The following CPM variants were observed in gnomAD, a reference collection of about 807,000 sequenced individuals.
CPM encodes renal carboxypeptidase.
Under a neutral mutation model 46.4 loss-of-function variants are expected in CPM, and 35 were observed. That is an observed-to-expected ratio of 0.75 (90% confidence interval 0.58 to 1.00). CPM has a LOEUF of 1.00. Among genes scored for constraint, CPM ranks in the 50% least tolerant of loss-of-function variants. CPM has a pLI of 0.00. For synonymous variants in CPM, 195 were observed against 195.3 expected (o/e 1.00, Z 0.01); for missense variants, 422 against 530.4 (o/e 0.80, Z 2.01).
rs1211104954 is a variant in CPM at position 68,893,108 on chromosome 12, C to T, written c.161-7219G>A. Among the ~76,000 whole-genome samples, 3 of 144,892 alleles carry T rather than the reference C, an allele frequency of 2.1e-5. No individual in the cohort carries two copies. In the East Asian group the frequency reaches 6.1e-4, roughly 29 times the overall value. ...ATGTAACGAACCTGCATGCTCTGCACACGTATCCCAGAACTTAAATTAAAA... is the reference window on the plus strand; with the variant it reads ...ATGTAACGAACCTGCATGCTCTGCATACGTATCCCAGAACTTAAATTAAAA... On this transcript the variant is annotated intron_variant, in intron 2 of 8. Coordinates refer to ENST00000551568, the MANE Select transcript of CPM (RefSeq NM_198320.5).
intron 2 of CPM, among the ~76,000 whole-genome samples, chr12:68,907,360 G>A (rs2136286598): frequency 6.6e-6 from 1 of 152,098 alleles, no homozygotes; most frequent in Admixed American, 6.5e-5. Context: ...TGCCACCACT[G>A]CCTGTGGGAC....
chr12:68,902,094 A>G (rs942849218), intron 2 of CPM, among the ~76,000 whole-genome samples: 3 of 152,214 alleles, frequency 2.0e-5, no homozygotes, highest in Non-Finnish European at 4.4e-5. Flanking sequence ...GAGAAGCTAC[A>G]TGACAATCAC....
At chr12:68,929,028 G>A (rs1055028879) in intron 2 of CPM, among the ~76,000 whole-genome samples, 4 of 151,794 alleles carry the variant, frequency 2.6e-5, no homozygotes, top group Non-Finnish European at 5.9e-5. Context: ...TCTTAAAATA[G>A]ATGGTAGGAA....
downstream of CPM, chr12:68,850,660 C>A (rs2136203447): frequency 6.6e-6 from 1 of 152,176 alleles, no homozygotes. Flanking sequence ...ACCTGGAAAT[C>A]AATAAAATTT....
At chr12:68,842,370 A>T (rs1231714790) in intron 5 of CPM, 1 of 494,276 alleles carries the variant, frequency 2.0e-6, no homozygotes, top group South Asian at 1.5e-5. Flanking sequence ...GGATGCAGAC[A>T]TGGCAGAGGT....
intron 4 of CPM, among the ~76,000 whole-genome samples, chr12:68,871,338 A>T (rs1885684491): frequency 6.6e-6 from 1 of 152,158 alleles, no homozygotes; most frequent in Non-Finnish European, 1.5e-5. Flanking sequence ...GCAAGAAATT[A>T]GATATTAAAA....
At chr12:68,872,653 C>T (rs993116545) in intron 3 of CPM, among the ~76,000 whole-genome samples, 8 of 151,964 alleles carry the variant, frequency 5.3e-5, no homozygotes, top group Non-Finnish European at 8.8e-5. Flanking sequence ...ACAGGAATCA[C>T]GTATTTCCAT....
intron 7 of CPM, among the ~76,000 whole-genome samples, chr12:68,862,790 G>A (rs1267354377): frequency 6.6e-6 from 1 of 151,516 alleles, no homozygotes; most frequent in East Asian, 1.9e-4. Context: ...TCTATATGCT[G>A]AAGTTGAAAC....
chr12:68,867,762 C>A (rs1228154845), intron 6 of CPM, among the ~76,000 whole-genome samples: 1 of 152,168 alleles, frequency 6.6e-6, no homozygotes, highest in Non-Finnish European at 1.5e-5. Context: ...ACGGCCCGGC[C>A]CCCTGTGGAG....
intron 2 of CPM, among the ~76,000 whole-genome samples, chr12:68,922,255 A>G (rs539942125): frequency 2.6e-5 from 4 of 152,304 alleles, no homozygotes; most frequent in African/African-American, 7.2e-5. Context: ...GCTAAATTTC[A>G]CCTGCCTGTA....
intron 5 of CPM, chr12:68,845,183 T>C (rs7975027): frequency 0.069 from 15,132 of 220,578 alleles, 2,294 homozygotes; most frequent in African/African-American, 0.32. Flanking sequence ...GGATGCTGAA[T>C]TACATTTTGA....
intron 4 of CPM, 75 bp from the exon 5 acceptor site, chr12:68,870,474 G>T: frequency 7.5e-7 from 1 of 1,339,730 alleles, no homozygotes. Flanking sequence ...CTTGCCCTTT[G>T]GTTTAGGCTC....
At chr12:68,844,086 C>T (rs1884052711) in intron 5 of CPM, 1 of 206,586 alleles carries the variant, frequency 4.8e-6, no homozygotes, top group Admixed American at 6.0e-5. Flanking sequence ...AAATTTAAAT[C>T]TGCAAATGGA....
At chr12:68,907,503 T>C (rs925831005) in intron 2 of CPM, among the ~76,000 whole-genome samples, 2 of 152,140 alleles carry the variant, frequency 1.3e-5, no homozygotes, top group Non-Finnish European at 2.9e-5. Context: ...GGCAAACACA[T>C]GTGTTTGATA....
chr12:68,955,175 A>C (rs1888993853), intron 1 of CPM, among the ~76,000 whole-genome samples: 1 of 152,230 alleles, frequency 6.6e-6, no homozygotes, highest in African/African-American at 2.4e-5. Context: ...AGTAAAACTC[A>C]GGCAAAGGTG....
intron 2 of CPM, chr12:68,914,063 A>G: frequency 1.5e-6 from 1 of 652,704 alleles, no homozygotes; most frequent in African/African-American, 1.8e-5. Flanking sequence ...TAAATGCTAT[A>G]AACAGGCTTG....
chr12:68,925,388 G>A (rs1169205314), intron 2 of CPM, among the ~76,000 whole-genome samples: 2 of 152,002 alleles, frequency 1.3e-5, no homozygotes, highest in Non-Finnish European at 2.9e-5. Context: ...CTGAGAATCC[G>A]GAATTTGAAC....
At position 68,890,382 on chromosome 12, in the gene CPM, C is replaced by A. The variant is rs941089427; in HGVS notation, c.161-4493G>T. ...TTTTTTTAATTTAAAAAAAAAAAAA[C>A]CAAACCCTATCATTCATTAAGTGCA... On this transcript the variant is annotated intron_variant, in intron 2 of 8. Transcript: ENST00000551568. 4.7e-5 allele frequency among the ~76,000 whole-genome samples: 7 copies of A among 150,036 alleles called. No individual in the cohort carries two copies. The East Asian group carries it at 5.8e-4, about 13-fold the overall frequency.
intron 2 of CPM, among the ~76,000 whole-genome samples, chr12:68,894,855 T>G (rs890032705): frequency 1.3e-4 from 19 of 151,612 alleles, no homozygotes; most frequent in Admixed American, 9.9e-4. Context: ...GCTAACACAG[T>G]GAAACTGTCA....
Sources: gnomAD v4.1 joint callset for allele counts (sites outside exome capture counted in the v4.1 genomes callset) on GRCh38, gnomAD v4.1.1 for gene constraint, MANE v1.5 for transcripts, NCBI Gene and HGNC (gene_info 2026-07-23, HGNC 2026-07-21) for gene names.